PLXDC2: variants seen among roughly 807,000 people sequenced by gnomAD.
PLXDC2 encodes the protein plexin domain containing 2.
A neutral mutation model predicts 68.9 loss-of-function variants in PLXDC2; 40 were observed. The ratio of observed to expected loss-of-function variants is 0.58; its 90% CI spans 0.45 to 0.76. The LOEUF is 0.76. Ranked by LOEUF, PLXDC2 falls within the 30% of genes least tolerant of loss-of-function variation. The probability of loss-of-function intolerance (pLI) is 0.00; values close to 1 mark genes in which losing one functional copy is unlikely to be tolerated. For synonymous variants in PLXDC2, 243 were observed against 234.2 expected, an observed-to-expected ratio of 1.04 and a Z score of -0.34; for missense variants, 644 against 661.9, an observed-to-expected ratio of 0.97 and a Z score of 0.30.
intron 1 of PLXDC2, among the ~76,000 whole-genome samples, chr10:19,852,425 C>CAAAAAAAAAAA (rs61430454): frequency 1.6e-4 from 10 of 61,938 alleles, no homozygotes; most frequent in Admixed American, 2.4e-4. Flanking sequence ...GACCCTGTCT[C>CAAAAAAAAAAA]AAAAAAAAAA....
chr10:20,234,990 A>G (rs1312988186), intron 12 of PLXDC2, among the ~76,000 whole-genome samples: 2 of 152,136 alleles, frequency 1.3e-5, no homozygotes, highest in Admixed American at 6.5e-5. Flanking sequence ...CAGTTTTCCA[A>G]AGAAGCTGCT....
intron 1 of PLXDC2, among the ~76,000 whole-genome samples, chr10:19,885,432 C>G (rs1416043744): frequency 6.6e-6 from 1 of 152,124 alleles, no homozygotes; most frequent in South Asian, 2.1e-4. Context: ...CTTGCCCGTG[C>G]CTATGTCCTG....
chr10:20,105,622 C>G (rs1833481533), intron 4 of PLXDC2, among the ~76,000 whole-genome samples: 1 of 152,142 alleles, frequency 6.6e-6, no homozygotes, highest in Non-Finnish European at 1.5e-5. Flanking sequence ...AAGAGTAAAC[C>G]CAAGGCTGTA....
chr10:20,046,306 A>G (rs1026978467), intron 2 of PLXDC2, among the ~76,000 whole-genome samples: 3 of 151,940 alleles, frequency 2.0e-5, no homozygotes, highest in Non-Finnish European at 4.4e-5. Context: ...AAAGAAGACT[A>G]CTAATTTTAT....
chr10:20,099,648 G>GT (rs558828031), intron 4 of PLXDC2, among the ~76,000 whole-genome samples: 41 of 152,274 alleles, frequency 2.7e-4, no homozygotes, highest in African/African-American at 9.6e-4. Flanking sequence ...AATTGTGTGA[G>GT]TGAGGGCTTC....
intron 4 of PLXDC2, among the ~76,000 whole-genome samples, chr10:20,130,715 T>C (rs971588172): frequency 2.6e-5 from 4 of 152,190 alleles, no homozygotes; most frequent in African/African-American, 9.6e-5. Context: ...ATGTTAAATT[T>C]TGTCAAATGC....
chr10:20,286,598 A>G lies in PLXDC2; in HGVS notation c.*6779A>G, dbSNP rs1039441250. ...GCCTATCAAACAAATACATAGCATG[A>G]AACTAATTTTAGAAGTTTCATGGGG... On this transcript the variant is annotated 3_prime_UTR_variant, in exon 14 of 14. Transcript: ENST00000377252. The G allele has an allele frequency of 1.3e-5, 2 of 152,214 alleles. No homozygotes were observed. Among genetic ancestry groups the G allele is most frequent in the African/African-American group, 2.4e-5 (1 of 41,460 alleles). 9.4% of individuals were successfully genotyped at this position (152,214 alleles called of 1,614,324 possible).
At chr10:19,995,692 G>T (rs1286795829) in intron 1 of PLXDC2, among the ~76,000 whole-genome samples, 1 of 152,176 alleles carries the variant, frequency 6.6e-6, no homozygotes, top group East Asian at 1.9e-4. Context: ...TGCCTTCTGT[G>T]TTAACTCTCC....
chr10:19,916,366 C>T (rs1160618300), intron 1 of PLXDC2, among the ~76,000 whole-genome samples: 1 of 148,996 alleles, frequency 6.7e-6, no homozygotes, highest in Non-Finnish European at 1.5e-5. Flanking sequence ...CCAAACTGGT[C>T]TTGAACTCCT....
chr10:20,159,637 A>C (rs1377932483), intron 6 of PLXDC2, among the ~76,000 whole-genome samples: 2 of 152,148 alleles, frequency 1.3e-5, no homozygotes, highest in Non-Finnish European at 2.9e-5. Flanking sequence ...TTTTGGACTA[A>C]AATCCAGTGT....
chr10:20,237,920 C>T (rs921470277), intron 12 of PLXDC2, among the ~76,000 whole-genome samples: 4 of 152,010 alleles, frequency 2.6e-5, no homozygotes, highest in Admixed American at 6.6e-5. Context: ...AAGAATATTT[C>T]TATTTTAGTT....
chr10:19,968,285 A>T (rs988647204), intron 1 of PLXDC2, among the ~76,000 whole-genome samples: 2 of 152,158 alleles, frequency 1.3e-5, no homozygotes, highest in African/African-American at 4.8e-5. Flanking sequence ...GAGTGATTAA[A>T]TACGATGACC....
chr10:19,834,445 C>T (rs1836752835), intron 1 of PLXDC2, among the ~76,000 whole-genome samples: 1 of 152,092 alleles, frequency 6.6e-6, no homozygotes, highest in Non-Finnish European at 1.5e-5. Flanking sequence ...GAGAAAACTG[C>T]TCAAGAAAGA....
chr10:20,046,599 A>G (rs1835803040), intron 2 of PLXDC2, among the ~76,000 whole-genome samples: 1 of 152,102 alleles, frequency 6.6e-6, no homozygotes, highest in Non-Finnish European at 1.5e-5. Context: ...TCTGATTAGC[A>G]CTTAGATAAT....
chr10:20,012,822 G>C (rs940525545), intron 2 of PLXDC2, among the ~76,000 whole-genome samples: 5 of 152,172 alleles, frequency 3.3e-5, no homozygotes, highest in Admixed American at 2.0e-4. Flanking sequence ...TTCCCTGAAA[G>C]AAAACACTTC....
intron 1 of PLXDC2, among the ~76,000 whole-genome samples, chr10:19,949,302 T>C (rs1277289269): frequency 6.6e-6 from 1 of 152,186 alleles, no homozygotes; most frequent in African/African-American, 2.4e-5. Context: ...AGGCTAAGGC[T>C]AGTTGAATAC....
intron 1 of PLXDC2, among the ~76,000 whole-genome samples, chr10:19,921,055 G>A (rs1833453978): frequency 6.6e-6 from 1 of 151,456 alleles, no homozygotes; most frequent in African/African-American, 2.4e-5. Context: ...AGCCTCCCAA[G>A]CAGCTAGGAC....
intron 2 of PLXDC2, among the ~76,000 whole-genome samples, chr10:20,040,833 C>A (rs1324878152): frequency 3.9e-5 from 6 of 152,134 alleles, no homozygotes; most frequent in African/African-American, 1.4e-4. Context: ...AGGTATACAA[C>A]CTGAAGGCCA....
chr10:20,044,207 CTCTGTCTTTCTTTCTTTCTTTCTT>C (rs1448405540), intron 2 of PLXDC2, among the ~76,000 whole-genome samples: 25 of 90,000 alleles, frequency 2.8e-4, no homozygotes, highest in East Asian at 2.2e-3. Flanking sequence ...CTCTCTCTCT[CTCTGTCTTTCTTTCTTTCTTTCTT>C]TCTTTCTTTC....
Sources: allele counts gnomAD v4.1 joint callset (sites outside exome capture counted in the v4.1 genomes callset), GRCh38; gene constraint gnomAD v4.1.1; transcripts MANE v1.5; gene names NCBI Gene and HGNC (gene_info 2026-07-23, HGNC 2026-07-21).